SVIL: variants seen among roughly 807,000 people sequenced by gnomAD.
SVIL encodes archvillin.
Under a neutral mutation model 240.4 loss-of-function variants are expected in SVIL, and 101 were observed. The observed-to-expected ratio is 0.42, with a 90% CI of 0.36 to 0.50. The LOEUF (loss-of-function observed/expected upper bound fraction) is 0.50, where lower values mean the gene tolerates loss of function less well. Ranked by LOEUF, SVIL falls within the 20% of genes least tolerant of loss-of-function variation. The probability of loss-of-function intolerance (pLI) is 0.01; values close to 1 mark genes in which losing one functional copy is unlikely to be tolerated. For synonymous variants in SVIL, 999 were observed against 1,100.0 expected (o/e 0.91, Z 1.82); for missense variants, 2,512 against 2,818.7 (o/e 0.89, Z 2.46).
chr10:29,482,018 T>C lies in SVIL; in HGVS notation c.4956-290A>G, dbSNP rs1203848106. On this transcript the variant is annotated intron_variant, in intron 27 of 37. Transcript: ENST00000355867. ...CTTACATTCTAGCAAGTTCTTTTCTTTTCTTTTTTTTTTTTTTTTTTTTTT... is the reference window on the plus strand; with the variant it reads ...CTTACATTCTAGCAAGTTCTTTTCTCTTCTTTTTTTTTTTTTTTTTTTTTT... 9.0e-5 allele frequency among the ~76,000 whole-genome samples: 10 copies of C among 111,606 alleles called. No homozygotes were observed. The East Asian group carries it at 1.8e-3, about 20-fold the overall frequency. The allele number at this position is 111,606 out of a possible 152,430, so 73.2% of individuals were successfully genotyped here. A position where few individuals can be genotyped will look rare whatever the true frequency, so the allele number is the denominator to read the frequency against.
rs770835931 is a variant in SVIL, at chr10:29,721,381, T to A, written c.-400+14370A>T. Among the ~76,000 whole-genome samples, 91 of 152,188 alleles carry A rather than the reference T, an allele frequency of 6.0e-4. 1 individual carries two copies. Among genetic ancestry groups the A allele is most frequent in the Middle Eastern group, 3.4e-3 (1 of 294 alleles). ...TAAAATTACTATATTGATAGTTACA[T>A]TAAACGTAAGTAATCTAAATATACC... On this transcript the variant is annotated intron_variant, in intron 1 of 35. Coordinates refer to the SVIL transcript ENST00000375400.
Position 29,551,282 on chromosome 10 carries a change from G to A in SVIL, c.161-19C>T. On this transcript the variant is annotated intron_variant, in intron 5 of 37. Transcript: ENST00000355867. ...GATCGGCCTACAAGAAGGTCACATG[G>A]ATGAGAGGTGCAGATTTCAAGTAAA... is the stretch of plus-strand genomic sequence containing the variant. 6.4e-7 allele frequency: 1 copy of A among 1,559,564 alleles called. No homozygotes were observed. The highest frequency in any genetic ancestry group is 8.6e-7 in the Non-Finnish European group (1 of 1,157,216).
At chr10:29,531,885 G>T in intron 9 of SVIL, 117 bp downstream of exon 9, 1 of 1,208,656 alleles carries the variant, frequency 8.3e-7, no homozygotes, top group Non-Finnish European at 1.2e-6. Context: ...AGGTTAGATG[G>T]AACAATTATG....
chr10:29,721,781 G>A (rs960114813), intron 1 of SVIL, among the ~76,000 whole-genome samples: 3 of 152,154 alleles, frequency 2.0e-5, no homozygotes, highest in African/African-American at 4.8e-5. Flanking sequence ...AATACTGCTG[G>A]GGATCCCTGC....
chr10:29,460,462 T>G (rs1358526024), intron 36 of SVIL, among the ~76,000 whole-genome samples: 3 of 152,166 alleles, frequency 2.0e-5, no homozygotes. Flanking sequence ...GTGAGTTATA[T>G]CCTTCTGAAA....
intron 16 of SVIL, among the ~76,000 whole-genome samples, chr10:29,519,588 T>G (rs185980432): frequency 2.0e-5 from 3 of 152,338 alleles, no homozygotes; most frequent in Admixed American, 2.0e-4. Flanking sequence ...ATTGTAAATA[T>G]ATGTAATTTA....
intron 35 of SVIL, among the ~76,000 whole-genome samples, chr10:29,463,076 G>A (rs914558876): frequency 3.3e-5 from 5 of 152,288 alleles, no homozygotes; most frequent in East Asian, 1.9e-4. Flanking sequence ...GGCAATGGCC[G>A]TTCACTGTTT....
chr10:29,564,387 G>A (rs563411087), intron 2 of SVIL, among the ~76,000 whole-genome samples: 20 of 152,250 alleles, frequency 1.3e-4, no homozygotes, highest in East Asian at 3.9e-4. Context: ...TGATGTGGTC[G>A]GAGCGGGCAG....
chr10:29,552,228 T>C (rs1953425908), intron 5 of SVIL, among the ~76,000 whole-genome samples: 1 of 152,122 alleles, frequency 6.6e-6, no homozygotes. Context: ...TAGTTAGTTA[T>C]TAATGTTCTA....
intron 32 of SVIL, chr10:29,469,103 A>G (rs1377325278): frequency 1.3e-5 from 2 of 152,170 alleles, no homozygotes; most frequent in African/African-American, 4.8e-5. Flanking sequence ...CAGGTACTCA[A>G]TAAATGTTTG....
chr10:29,589,962 T>C (rs1331356807), intron 1 of SVIL, among the ~76,000 whole-genome samples: 4 of 150,944 alleles, frequency 2.6e-5, no homozygotes, highest in Non-Finnish European at 5.9e-5. Context: ...AGGTCAGGAG[T>C]GAAGACCAGC....
At chr10:29,682,174 T>C (rs901829457) in intron 2 of SVIL, among the ~76,000 whole-genome samples, 14 of 152,140 alleles carry the variant, frequency 9.2e-5, no homozygotes, top group Non-Finnish European at 1.8e-4. Context: ...AAGCAGCAGG[T>C]TGGCAGATCT....
intron 1 of SVIL, among the ~76,000 whole-genome samples, chr10:29,713,262 C>CTGTGTATGTGTG (rs1554769339): frequency 6.1e-5 from 9 of 148,468 alleles, no homozygotes; most frequent in Admixed American, 6.1e-4. Context: ...GTACATGCCT[C>CTGTGTATGTGTG]TGTGTGTGTG....
chr10:29,506,795 A>AGGGGACAGAGGTCCTAGT (rs1949380739), intron 17 of SVIL, among the ~76,000 whole-genome samples: 5 of 132,562 alleles, frequency 3.8e-5, no homozygotes, highest in Non-Finnish European at 6.7e-5. Flanking sequence ...AGGCCCTATG[A>AGGGGACAGAGGTCCTAGT]GGGAGGGGAC....
At chr10:29,712,144 T>A (rs1200319062) in intron 1 of SVIL, 1 of 152,222 alleles carries the variant, frequency 6.6e-6, no homozygotes, top group Non-Finnish European at 1.5e-5. Flanking sequence ...AAGCACTGCT[T>A]GGCTCTTCTA....
At chr10:29,666,091 T>A (rs3915914) in intron 2 of SVIL, among the ~76,000 whole-genome samples, 28,714 of 152,200 alleles carry the variant, frequency 0.19, 2,846 homozygotes, top group Middle Eastern at 0.33. Flanking sequence ...CTAATTTTTT[T>A]ATTTTTTATA....
chr10:29,460,641 G>A (rs1944146274), intron 36 of SVIL, among the ~76,000 whole-genome samples: 1 of 152,190 alleles, frequency 6.6e-6, no homozygotes, highest in African/African-American at 2.4e-5. Flanking sequence ...GCCAGCAGTG[G>A]CTCATGCTTG....
intron 2 of SVIL, among the ~76,000 whole-genome samples, chr10:29,658,795 G>C (rs908702384): frequency 6.6e-6 from 1 of 152,110 alleles, no homozygotes; most frequent in Non-Finnish European, 1.5e-5. Flanking sequence ...GGAGGCTTGG[G>C]AACAGCAGCC....
At chr10:29,623,853 A>AAAC (rs901749375) in intron 1 of SVIL, among the ~76,000 whole-genome samples, 1 of 152,150 alleles carries the variant, frequency 6.6e-6, no homozygotes, top group East Asian at 1.9e-4. Flanking sequence ...TCCATCTCAA[A>AAAC]AACAACAACA....
Sources: allele counts gnomAD v4.1 joint callset (sites outside exome capture counted in the v4.1 genomes callset), GRCh38; gene constraint gnomAD v4.1.1; transcripts MANE v1.5; gene names NCBI Gene and HGNC (gene_info 2026-07-23, HGNC 2026-07-21).